Variants in FAF1 observed in about 807,000 individuals in gnomAD.
The protein encoded by FAF1 is Fas associated factor 1, also known as FAS-associated factor 1.
FAF1 carries 25 observed loss-of-function variants against 92.5 expected under a neutral mutation model. That is an observed-to-expected ratio of 0.27 (90% confidence interval 0.20 to 0.38). The LOEUF is 0.38. FAF1 is among the 10% of genes least tolerant of loss of function. The pLI is 1.00. For synonymous variants in FAF1, 234 were observed against 273.2 expected (o/e 0.86, Z 1.42); for missense variants, 636 against 793.3 (o/e 0.80, Z 2.38).
At chr1:50,525,803 C>G (rs1324133829) in intron 15 of FAF1, among the ~76,000 whole-genome samples, 1 of 151,860 alleles carries the variant, frequency 6.6e-6, no homozygotes, top group East Asian at 1.9e-4. Flanking sequence ...TCAGTTGACT[C>G]TTGTTAGTAT....
intron 4 of FAF1, among the ~76,000 whole-genome samples, chr1:50,760,052 G>A (rs569260584): frequency 2.0e-5 from 3 of 151,870 alleles, no homozygotes; most frequent in Admixed American, 1.3e-4. Flanking sequence ...CTGGATACTC[G>A]CCCTTTGTCA....
intron 2 of FAF1, among the ~76,000 whole-genome samples, chr1:50,838,992 C>T (rs1644234431): frequency 6.6e-6 from 1 of 152,092 alleles, no homozygotes; most frequent in African/African-American, 2.4e-5. Context: ...GGGAAAATAT[C>T]CAACTTAACT....
At chr1:50,499,574 T>G (rs1169889375) in intron 15 of FAF1, among the ~76,000 whole-genome samples, 2 of 152,052 alleles carry the variant, frequency 1.3e-5, no homozygotes, top group Admixed American at 6.6e-5. Context: ...GCATCTACAA[T>G]GAAAAGGAAG....
intron 1 of FAF1, among the ~76,000 whole-genome samples, chr1:50,870,508 G>T (rs1305419230): frequency 6.6e-6 from 1 of 152,202 alleles, no homozygotes; most frequent in African/African-American, 2.4e-5. Context: ...CCTGCATCGA[G>T]CAAGTCCATC....
At chr1:50,630,019 C>G (rs1208094932) in intron 8 of FAF1, among the ~76,000 whole-genome samples, 1 of 151,904 alleles carries the variant, frequency 6.6e-6, no homozygotes, top group African/African-American at 2.4e-5. Flanking sequence ...GATCACGCCA[C>G]TGCACTCCAG....
At chr1:50,712,719 T>C (rs1657990174) in intron 6 of FAF1, among the ~76,000 whole-genome samples, 1 of 152,138 alleles carries the variant, frequency 6.6e-6, no homozygotes, top group Non-Finnish European at 1.5e-5. Context: ...TAAAATGTTA[T>C]CTAGGCAAAC....
chr1:50,685,058 G>T (rs1349063462), intron 7 of FAF1, among the ~76,000 whole-genome samples: 2 of 152,194 alleles, frequency 1.3e-5, no homozygotes, highest in Admixed American at 6.5e-5. Context: ...CCTGAAGGAT[G>T]TGTCAGCTGA....
At chr1:50,871,983 T>C (rs1644531523) in intron 1 of FAF1, among the ~76,000 whole-genome samples, 2 of 145,386 alleles carry the variant, frequency 1.4e-5, no homozygotes, top group African/African-American at 5.2e-5. Flanking sequence ...GAGAATGGCA[T>C]GAACCCGGGA....
chr1:50,856,938 A>G (rs1481708843), intron 2 of FAF1, among the ~76,000 whole-genome samples: 2 of 151,816 alleles, frequency 1.3e-5, no homozygotes, highest in African/African-American at 4.8e-5. Flanking sequence ...GGTATAAAAC[A>G]ATCTCAGTTG....
intron 8 of FAF1, among the ~76,000 whole-genome samples, chr1:50,605,864 T>C (rs367550319): frequency 3.9e-5 from 6 of 152,340 alleles, no homozygotes; most frequent in Admixed American, 2.6e-4. Context: ...TTACTCAGAG[T>C]TGATAACTTA....
At chr1:50,844,659 C>T (rs541546772) in intron 2 of FAF1, among the ~76,000 whole-genome samples, 25 of 151,462 alleles carry the variant, frequency 1.7e-4, no homozygotes, top group African/African-American at 6.1e-4. Flanking sequence ...AAAATGAATA[C>T]AAAGAATCTG....
At chr1:50,959,712 G>T in intron 1 of FAF1, 55 bp downstream of exon 1, 1 of 1,496,004 alleles carries the variant, frequency 6.7e-7, no homozygotes, top group Non-Finnish European at 9.2e-7. Context: ...CTCCCTTGTG[G>T]CACCGGAAAC....
intron 7 of FAF1, among the ~76,000 whole-genome samples, chr1:50,675,998 AC>A (rs1656101020): frequency 6.6e-6 from 1 of 152,044 alleles, no homozygotes; most frequent in African/African-American, 2.4e-5. Flanking sequence ...GTGAATTTGA[AC>A]CCCTATTCTT....
chr1:50,738,858 C>T lies in FAF1; in HGVS notation c.551+5G>A, dbSNP rs771445165. 7.6e-6 allele frequency: 12 copies of T among 1,579,808 alleles called. No individual in the cohort carries two copies. In the South Asian group the frequency reaches 1.1e-4, roughly 15 times the overall value. On this transcript the variant is annotated splice_donor_5th_base_variant and intron_variant, in intron 6 of 18. Transcript: ENST00000396153. Reference sequence around the variant, plus strand: ...TCATGTTCCCAGGAAATATAAACAACTTACCCAGCATGACTAGATGATGAA... The same window carrying T: ...TCATGTTCCCAGGAAATATAAACAATTTACCCAGCATGACTAGATGATGAA...
intron 4 of FAF1, among the ~76,000 whole-genome samples, chr1:50,749,182 G>C (rs912091395): frequency 6.6e-6 from 1 of 152,052 alleles, no homozygotes; most frequent in Non-Finnish European, 1.5e-5. Flanking sequence ...TTTTGCTTGT[G>C]GCTGAGGTTG....
At chr1:50,787,030 T>C (rs1346197881) in intron 4 of FAF1, among the ~76,000 whole-genome samples, 1 of 152,188 alleles carries the variant, frequency 6.6e-6, no homozygotes, top group East Asian at 1.9e-4. Flanking sequence ...CAGAAACATC[T>C]AGAATTCAGA....
chr1:50,806,764 C>T (rs1569978981), intron 2 of FAF1, among the ~76,000 whole-genome samples: 1 of 152,318 alleles, frequency 6.6e-6, no homozygotes, highest in African/African-American at 2.4e-5. Context: ...GAGGGATGAG[C>T]TTAGCCCTAG....
At chr1:50,669,848 G>A (rs1207160488) in intron 7 of FAF1, among the ~76,000 whole-genome samples, 1 of 152,282 alleles carries the variant, frequency 6.6e-6, no homozygotes, top group Admixed American at 6.5e-5. Flanking sequence ...TAGGCTGGGC[G>A]CAGTGGCTCA....
chr1:50,901,112 C>T (rs915331706), intron 1 of FAF1, among the ~76,000 whole-genome samples: 1 of 152,064 alleles, frequency 6.6e-6, no homozygotes, highest in Non-Finnish European at 1.5e-5. Flanking sequence ...TTAATAACAT[C>T]TGTATGAAAA....
Sources: gnomAD v4.1 joint callset for allele counts (sites outside exome capture counted in the v4.1 genomes callset) on GRCh38, gnomAD v4.1.1 for gene constraint, MANE v1.5 for transcripts, NCBI Gene and HGNC (gene_info 2026-07-23, HGNC 2026-07-21) for gene names.